The following MYO1D variants were observed in gnomAD, a reference collection of about 807,000 sequenced individuals.
The protein encoded by MYO1D is myosin ID.
A neutral mutation model predicts 122.0 loss-of-function variants in MYO1D; 83 were observed. The ratio of observed to expected loss-of-function variants is 0.68; its 90% confidence interval spans 0.57 to 0.82. The LOEUF (loss-of-function observed/expected upper bound fraction) is 0.82, where lower values mean the gene tolerates loss of function less well. Ranked by LOEUF, MYO1D falls within the 40% of genes least tolerant of loss-of-function variation. MYO1D has a pLI of 0.00. For synonymous variants in MYO1D, 464 were observed against 446.9 expected (o/e 1.04, Z -0.48); for missense variants, 1,157 against 1,269.5 (o/e 0.91, Z 1.35).
chr17:32,649,499 C>T (rs1388581320), intron 19 of MYO1D, among the ~76,000 whole-genome samples: 1 of 151,632 alleles, frequency 6.6e-6, no homozygotes, highest in African/African-American at 2.4e-5. Context: ...TATCAACGTT[C>T]ACCTTGGTTG....
intron 21 of MYO1D, among the ~76,000 whole-genome samples, chr17:32,587,340 C>T (rs376081171): frequency 1.3e-5 from 2 of 151,976 alleles, no homozygotes; most frequent in East Asian, 3.9e-4. Context: ...GGTGAAACCC[C>T]GTTTCTACTA....
chr17:32,796,721 C>A (rs755590455), intron 1 of MYO1D, among the ~76,000 whole-genome samples: 2 of 152,040 alleles, frequency 1.3e-5, no homozygotes, highest in Non-Finnish European at 2.9e-5. Context: ...GCCAAACATC[C>A]TTTTAAAAAA....
Position 32,721,192 on chromosome 17 carries a change from A to G in MYO1D, c.1747-3T>C. On this transcript the variant is annotated splice_polypyrimidine_tract_variant and splice_region_variant and intron_variant, in intron 14 of 21. Coordinates refer to ENST00000318217, the MANE Select transcript of MYO1D (RefSeq NM_015194.3). ...ATGCAACGAACGTAATATGGTTCCTAAAGAAATAAATCAGCAAATGGTAAG... is the reference window on the plus strand; with the variant it reads ...ATGCAACGAACGTAATATGGTTCCTGAAGAAATAAATCAGCAAATGGTAAG... 1 of 1,611,868 alleles carries G rather than the reference A, an allele frequency of 6.2e-7. No individual in the cohort carries two copies. The highest frequency in any genetic ancestry group is 1.1e-5 in the South Asian group (1 of 90,628).
At chr17:32,603,155 T>G (rs1375487615) in intron 21 of MYO1D, among the ~76,000 whole-genome samples, 1 of 152,092 alleles carries the variant, frequency 6.6e-6, no homozygotes, top group Non-Finnish European at 1.5e-5. Context: ...TTAAAAATCC[T>G]TACATACATT....
intron 19 of MYO1D, among the ~76,000 whole-genome samples, chr17:32,641,167 T>C (rs2088194704): frequency 6.8e-6 from 1 of 148,028 alleles, no homozygotes; most frequent in African/African-American, 2.5e-5. Context: ...TTCCCACCTA[T>C]GAGTGAGAAC....
In MYO1D at chr17:32,756,115, A is replaced by G. The variant is rs142516771; in HGVS notation, c.1297-453T>C. ...ACTACACAAAACTTGCAATTTTATA[A>G]AAGTAGGGTACAAGTTAAATGTTTA... On this transcript the variant is annotated intron_variant, in intron 10 of 21. Coordinates refer to ENST00000318217, the MANE Select transcript of MYO1D (RefSeq NM_015194.3). The G allele has an allele frequency of 1.8e-3, 370 of 210,892 alleles. 1 individual carries two copies. Among genetic ancestry groups the G allele is most frequent in the African/African-American group, 7.3e-3 (324 of 44,126 alleles). The allele number at this position is 210,892 out of a possible 1,614,324, so 13.1% of individuals were successfully genotyped here.
intron 6 of MYO1D, among the ~76,000 whole-genome samples, chr17:32,768,420 C>T (rs780454357): frequency 3.3e-5 from 5 of 152,184 alleles, no homozygotes; most frequent in Non-Finnish European, 7.4e-5. Flanking sequence ...AATACAAGTG[C>T]GTAAACAGAA....
intron 21 of MYO1D, among the ~76,000 whole-genome samples, chr17:32,553,410 G>A (rs1453569238): frequency 6.6e-6 from 1 of 152,222 alleles, no homozygotes; most frequent in Admixed American, 6.5e-5. Context: ...ACCAGGAAGA[G>A]CAGGGGAGAG....
chr17:32,768,763 T>C (rs2090085697), intron 6 of MYO1D, among the ~76,000 whole-genome samples: 1 of 152,176 alleles, frequency 6.6e-6, no homozygotes, highest in African/African-American at 2.4e-5. Context: ...GTTGTCAGAA[T>C]TGAATGAAAA....
chr17:32,560,556 T>TATATATATATACAC (rs1567890300), intron 21 of MYO1D, among the ~76,000 whole-genome samples: 3 of 114,130 alleles, frequency 2.6e-5, no homozygotes, highest in Non-Finnish European at 3.9e-5. Flanking sequence ...TATATATATA[T>TATATATATATACAC]ATATATATAT....
At chr17:32,511,949 A>C (rs778371870) in intron 21 of MYO1D, among the ~76,000 whole-genome samples, 3 of 152,180 alleles carry the variant, frequency 2.0e-5, no homozygotes, top group Non-Finnish European at 4.4e-5. Context: ...GCCACCTGAG[A>C]ATCGAACATT....
intron 1 of MYO1D, among the ~76,000 whole-genome samples, chr17:32,846,033 G>A (rs2090934992): frequency 6.6e-6 from 1 of 152,148 alleles, no homozygotes; most frequent in Non-Finnish European, 1.5e-5. Context: ...AAGCCTGAAG[G>A]GTGATAGAGT....
At chr17:32,720,041 A>C (rs2089492508) in intron 15 of MYO1D, among the ~76,000 whole-genome samples, 1 of 152,146 alleles carries the variant, frequency 6.6e-6, no homozygotes, top group African/African-American at 2.4e-5. Context: ...TTTTTGACCA[A>C]CTAATCTAAA....
intron 14 of MYO1D, among the ~76,000 whole-genome samples, chr17:32,729,534 C>T (rs1273345744): frequency 1.3e-5 from 2 of 152,028 alleles, no homozygotes; most frequent in Non-Finnish European, 1.5e-5. Flanking sequence ...AAAAAAAGTG[C>T]TAGACAAAAT....
intron 1 of MYO1D, among the ~76,000 whole-genome samples, chr17:32,812,599 A>T (rs2090581516): frequency 6.6e-6 from 1 of 152,162 alleles, no homozygotes; most frequent in Non-Finnish European, 1.5e-5. Context: ...CTTCCAAGTG[A>T]GGGAACTGGA....
chr17:32,646,741 A>T (rs1222496995), intron 19 of MYO1D, among the ~76,000 whole-genome samples: 1 of 152,244 alleles, frequency 6.6e-6, no homozygotes, highest in Non-Finnish European at 1.5e-5. Flanking sequence ...TAATTTCTAA[A>T]GAGAACATAT....
intron 1 of MYO1D, among the ~76,000 whole-genome samples, chr17:32,798,940 G>A (rs947235637): frequency 1.3e-5 from 2 of 152,168 alleles, no homozygotes; most frequent in Non-Finnish European, 2.9e-5. Context: ...AGTAAGTAAG[G>A]TAAGAGGGAA....
intron 16 of MYO1D, among the ~76,000 whole-genome samples, chr17:32,667,185 T>C (rs2088648848): frequency 6.6e-6 from 1 of 152,228 alleles, no homozygotes; most frequent in Non-Finnish European, 1.5e-5. Context: ...AAATTTAGAA[T>C]ATGACAGTCA....
intron 16 of MYO1D, among the ~76,000 whole-genome samples, chr17:32,697,540 T>G (rs2089188315): frequency 6.6e-6 from 1 of 152,218 alleles, no homozygotes; most frequent in Admixed American, 6.5e-5. Context: ...GATGCTTTCT[T>G]GGTCGCTTTG....
Sources: gnomAD v4.1 joint callset for allele counts (sites outside exome capture counted in the v4.1 genomes callset) on GRCh38, gnomAD v4.1.1 for gene constraint, MANE v1.5 for transcripts, NCBI Gene and HGNC (gene_info 2026-07-23, HGNC 2026-07-21) for gene names.